Variants in CCDC18 observed in about 807,000 individuals in gnomAD.
CCDC18 encodes the protein coiled-coil domain-containing protein 18.
Under a neutral mutation model 196.0 loss-of-function variants are expected in CCDC18, and 157 were observed. The observed-to-expected ratio is 0.80, with a 90% confidence interval of 0.70 to 0.91. The LOEUF is 0.91. Among genes scored for constraint, CCDC18 ranks in the 40% least tolerant of loss-of-function variants. The pLI is 0.00. For missense variants in CCDC18, 1,465 were observed against 1,611.6 expected (o/e 0.91, Z 1.56); for synonymous variants, 482 against 529.2 (o/e 0.91, Z 1.22).
In CCDC18 at chr1:93,212,206, T is replaced by C; in HGVS notation, c.1440T>C (p.Ser480=). The C allele has an allele frequency of 6.2e-7, 1 of 1,610,472 alleles. No homozygotes were observed. Among genetic ancestry groups the C allele is most frequent in the South Asian group, 1.1e-5 (1 of 89,990 alleles). Residue 480 remains serine (S), a synonymous_variant, in exon 11 of 29, where the codon AGT becomes AGC. Coordinates refer to ENST00000690025, the MANE Select transcript of CCDC18 (RefSeq NM_001378204.1). ...TTACTTGTAATGACAGCCAAGAAAG[T>C]AGCAAATTAAGTAGTTTAGAAACAG... The part of the protein sequence containing the change: ...SLITCNDSQE[S]SKLSSLETEP...
At chr1:93,232,183 G>A (rs1052496635) in intron 17 of CCDC18, among the ~76,000 whole-genome samples, 3 of 152,082 alleles carry the variant, frequency 2.0e-5, no homozygotes, top group African/African-American at 7.2e-5. Flanking sequence ...CATCACTTAG[G>A]AACATTTTTA....
chr1:93,181,611 A>C (rs533777471), intron 1 of CCDC18, among the ~76,000 whole-genome samples: 98 of 152,048 alleles, frequency 6.4e-4, no homozygotes, highest in Non-Finnish European at 1.3e-3. Flanking sequence ...CAGAAGAGTT[A>C]GGGAGTTCTT....
intron 28 of CCDC18, 24 bp downstream of exon 28, chr1:93,270,838 C>T: frequency 7.2e-7 from 1 of 1,396,990 alleles, no homozygotes; most frequent in African/African-American, 1.4e-5. Flanking sequence ...ACACTGTAAA[C>T]TGTAATAATT....
At chr1:93,234,936 A>AGT (rs3223482) in intron 18 of CCDC18, among the ~76,000 whole-genome samples, 46,129 of 118,936 alleles carry the variant, frequency 0.39, 9,215 homozygotes, top group East Asian at 0.53. Context: ...CCCAGCTAAG[A>AGT]GTGTGTGTGT....
chr1:93,274,937 T>TA (rs1665548641), intron 28 of CCDC18, among the ~76,000 whole-genome samples: 1 of 152,196 alleles, frequency 6.6e-6, no homozygotes, highest in Non-Finnish European at 1.5e-5. Flanking sequence ...AATGATACTC[T>TA]ACTGAGTTTT....
At chr1:93,259,929 C>G (rs1364612133) in intron 26 of CCDC18, among the ~76,000 whole-genome samples, 1 of 152,064 alleles carries the variant, frequency 6.6e-6, no homozygotes, top group Non-Finnish European at 1.5e-5. Context: ...GTTTTATAAG[C>G]CACCTGAAAT....
At chr1:93,184,411 G>A (rs1452531779) in intron 3 of CCDC18, among the ~76,000 whole-genome samples, 1 of 151,646 alleles carries the variant, frequency 6.6e-6, no homozygotes, top group African/African-American at 2.4e-5. Flanking sequence ...GCAGTTAAAT[G>A]TCTTCTTAAG....
intron 16 of CCDC18, among the ~76,000 whole-genome samples, chr1:93,224,814 T>G (rs1446415962): frequency 1.3e-5 from 2 of 152,248 alleles, no homozygotes; most frequent in South Asian, 2.1e-4. Flanking sequence ...GGTAGTGATA[T>G]TCTGACAGAA....
chr1:93,277,037 C>T (rs1665659456), intron 28 of CCDC18, among the ~76,000 whole-genome samples: 1 of 116,962 alleles, frequency 8.5e-6, no homozygotes, highest in East Asian at 2.3e-4. Context: ...AGCAGACAAA[C>T]ACGTGAACAA....
intron 28 of CCDC18, among the ~76,000 whole-genome samples, chr1:93,276,729 T>C (rs1174024484): frequency 6.6e-6 from 1 of 152,144 alleles, no homozygotes; most frequent in African/African-American, 2.4e-5. Context: ...CCCTGGGCCT[T>C]TTTCCTCTAT....
At chr1:93,262,150 T>G (rs1019954680) in intron 26 of CCDC18, 3 of 152,186 alleles carry the variant, frequency 2.0e-5, no homozygotes, top group Admixed American at 2.0e-4. Flanking sequence ...CCTCCACATG[T>G]GAGGATTACA....
rs1557700442 is a variant in CCDC18 at position 93,257,457 on chromosome 1, T to C, written c.3546+919T>C. ...AAATATTTACATTGGTATACTTGGG[T>C]TAATTATTTAGACTTTAAGAAAAAT... On this transcript the variant is annotated intron_variant, in intron 25 of 28. Transcript: ENST00000690025. Among the ~76,000 whole-genome samples the C allele has an allele frequency of 2.0e-5, 3 of 152,004 alleles. No homozygotes were observed. The South Asian group carries it at 6.2e-4, about 32-fold the overall frequency.
At chr1:93,224,373 T>TA (rs1273635494) in intron 16 of CCDC18, among the ~76,000 whole-genome samples, 1 of 152,228 alleles carries the variant, frequency 6.6e-6, no homozygotes, top group Admixed American at 6.5e-5. Context: ...ACCACTACAC[T>TA]ACAGAGAAAG....
chr1:93,180,665 G>A (rs1649415494), upstream of CCDC18: 1 of 1,328,980 alleles, frequency 7.5e-7, no homozygotes, highest in East Asian at 5.1e-5. Flanking sequence ...GGCGCCTCAC[G>A]CAGTCTGCGC....
chr1:93,217,099 T>C (rs1438336484), intron 13 of CCDC18, among the ~76,000 whole-genome samples: 2 of 149,730 alleles, frequency 1.3e-5, no homozygotes, highest in South Asian at 2.1e-4. Context: ...CACGCCTGGC[T>C]AATTTTTTTT....
chr1:93,191,721 A>C (rs1651842509), intron 4 of CCDC18, among the ~76,000 whole-genome samples: 1 of 152,214 alleles, frequency 6.6e-6, no homozygotes, highest in Admixed American at 6.5e-5. Context: ...ATGTAAAATA[A>C]ATCTTGCTAG....
chr1:93,219,005 A>G (rs1378726838), intron 14 of CCDC18, among the ~76,000 whole-genome samples: 4 of 152,150 alleles, frequency 2.6e-5, no homozygotes, highest in Admixed American at 2.6e-4. Context: ...GTCTAACCCT[A>G]TTATTGAATC....
At chr1:93,213,530 T>A (rs1656022177) in intron 11 of CCDC18, among the ~76,000 whole-genome samples, 1 of 152,136 alleles carries the variant, frequency 6.6e-6, no homozygotes, top group Non-Finnish European at 1.5e-5. Flanking sequence ...AAGCGGTGCT[T>A]TGGGTGTATT....
intron 23 of CCDC18, among the ~76,000 whole-genome samples, 158 bp downstream of exon 23, chr1:93,247,112 G>A (rs548288951): frequency 3.8e-4 from 57 of 151,926 alleles, no homozygotes; most frequent in African/African-American, 1.4e-3. Context: ...AGGCTGGAGA[G>A]CAGTGACACG....
Sources: allele counts gnomAD v4.1 joint callset (sites outside exome capture counted in the v4.1 genomes callset), GRCh38; gene constraint gnomAD v4.1.1; transcripts MANE v1.5; gene names NCBI Gene and HGNC (gene_info 2026-07-23, HGNC 2026-07-21).